Variants in CLVS1 observed in about 807,000 individuals in gnomAD.
CLVS1 encodes clavesin-1.
Under a neutral mutation model 33.1 loss-of-function variants are expected in CLVS1, and 10 were observed. The observed-to-expected ratio is 0.30, with a 90% CI of 0.19 to 0.51. CLVS1 has a LOEUF of 0.51. CLVS1 is among the 20% of genes least tolerant of loss of function. The pLI, the probability that CLVS1 is intolerant of heterozygous loss-of-function variation, is 0.97. For synonymous variants in CLVS1, 163 were observed against 166.1 expected (o/e 0.98, Z 0.14); for missense variants, 343 against 433.4 (o/e 0.79, Z 1.85).
At chr8:61,202,904 A>G (rs1432907774) in intron 2 of CLVS1, 8 of 1,068,924 alleles carry the variant, frequency 7.5e-6, no homozygotes, top group Non-Finnish European at 1.1e-5. Context: ...GAGGAAGCTG[A>G]AGAAAAAGTG....
At chr8:61,193,125 G>C (rs1484979509) in intron 2 of CLVS1, among the ~76,000 whole-genome samples, 4 of 152,148 alleles carry the variant, frequency 2.6e-5, no homozygotes, top group Admixed American at 2.6e-4. Flanking sequence ...CAACCCAAAT[G>C]TCCATCAATG....
the CLVS1 span, among the ~76,000 whole-genome samples, chr8:61,015,290 G>A: frequency 2.1e-3 from 325 of 152,322 alleles, no homozygotes; most frequent in African/African-American, 7.6e-3. Context: ...GCAATTGAGG[G>A]ACAGAGAGGC....
At chr8:60,967,596 C>T in the CLVS1 span, 1 of 455,548 alleles carries the variant, frequency 2.2e-6, no homozygotes, top group Non-Finnish European at 4.4e-6. Context: ...CAGCATTCAG[C>T]TTCTGGGAAC....
chr8:61,126,224 G>A (rs144461937), intron 1 of CLVS1, among the ~76,000 whole-genome samples: 1 of 152,042 alleles, frequency 6.6e-6, no homozygotes, highest in Non-Finnish European at 1.5e-5. Flanking sequence ...TCTCGGTCCA[G>A]CTACCTCATG....
chr8:61,411,217 G>T (rs185818804), intron 3 of CLVS1, among the ~76,000 whole-genome samples: 18 of 152,198 alleles, frequency 1.2e-4, no homozygotes, highest in Non-Finnish European at 1.0e-4. Flanking sequence ...TAAGGAAAAA[G>T]AAAAAATAAA....
chr8:60,985,171 A>G, the CLVS1 span, among the ~76,000 whole-genome samples: 4 of 152,252 alleles, frequency 2.6e-5, no homozygotes, highest in East Asian at 7.7e-4. Flanking sequence ...ATATTGGTCC[A>G]AGGATTCTGT....
intron 2 of CLVS1, among the ~76,000 whole-genome samples, chr8:61,210,353 G>A (rs1444177428): frequency 6.6e-6 from 1 of 152,200 alleles, no homozygotes; most frequent in African/African-American, 2.4e-5. Context: ...CCGATGTCTT[G>A]GTCTTGGACC....
chr8:61,479,019 T>C (rs1161089829), intron 5 of CLVS1, among the ~76,000 whole-genome samples: 3 of 152,214 alleles, frequency 2.0e-5, no homozygotes, highest in African/African-American at 7.2e-5. Flanking sequence ...TAACATTTTT[T>C]CCTTCATTTC....
At chr8:61,165,221 A>C (rs1806836024) in intron 2 of CLVS1, among the ~76,000 whole-genome samples, 1 of 152,234 alleles carries the variant, frequency 6.6e-6, no homozygotes. Flanking sequence ...GAAGAATGGA[A>C]GTCAGCGGCG....
chr8:61,327,739 G>T (rs1307490285), intron 2 of CLVS1, among the ~76,000 whole-genome samples: 1 of 152,140 alleles, frequency 6.6e-6, no homozygotes, highest in African/African-American at 2.4e-5. Context: ...TTGTACCTGT[G>T]TCAGGACTAG....
At chr8:61,316,099 G>T (rs190868947) in intron 2 of CLVS1, among the ~76,000 whole-genome samples, 251 of 152,272 alleles carry the variant, frequency 1.6e-3, no homozygotes, top group African/African-American at 5.2e-3. Flanking sequence ...TGGTGTATAT[G>T]TGTCACGTTT....
intron 5 of CLVS1, among the ~76,000 whole-genome samples, chr8:61,471,686 G>C (rs142549360): frequency 6.6e-6 from 1 of 152,160 alleles, no homozygotes; most frequent in Non-Finnish European, 1.5e-5. Context: ...CTCCTGGTCA[G>C]CCAAGAGGGC....
At chr8:60,991,240 T>C in the CLVS1 span, among the ~76,000 whole-genome samples, 1 of 152,210 alleles carries the variant, frequency 6.6e-6, no homozygotes, top group African/African-American at 2.4e-5. Flanking sequence ...ACACTGTGCA[T>C]GGTATGCTAC....
intron 1 of CLVS1, among the ~76,000 whole-genome samples, chr8:61,071,439 T>C (rs912339648): frequency 2.6e-5 from 4 of 152,210 alleles, no homozygotes; most frequent in Non-Finnish European, 1.5e-5. Context: ...GCTTCCATAA[T>C]CATGTCTCCT....
intron 3 of CLVS1, among the ~76,000 whole-genome samples, chr8:61,410,909 TG>T (rs1467877003): frequency 6.6e-6 from 1 of 152,230 alleles, no homozygotes; most frequent in Non-Finnish European, 1.5e-5. Context: ...CCCAAAGTGC[TG>T]GGATTACAGG....
chr8:61,442,847 G>T (rs1019654241), intron 3 of CLVS1, among the ~76,000 whole-genome samples: 8 of 152,032 alleles, frequency 5.3e-5, no homozygotes, highest in Non-Finnish European at 8.8e-5. Flanking sequence ...ATCCGCCCGC[G>T]TTGGCCTCCT....
At chr8:61,226,112 A>G (rs1808323379) in intron 2 of CLVS1, among the ~76,000 whole-genome samples, 1 of 152,248 alleles carries the variant, frequency 6.6e-6, no homozygotes, top group Non-Finnish European at 1.5e-5. Context: ...CATGGACGAT[A>G]CCACCTAACT....
intron 2 of CLVS1, among the ~76,000 whole-genome samples, chr8:61,266,399 G>A (rs1433278515): frequency 6.6e-6 from 1 of 151,124 alleles, no homozygotes; most frequent in Non-Finnish European, 1.5e-5. Flanking sequence ...ACCAGATTTG[G>A]TTAATATCCT....
intron 2 of CLVS1, among the ~76,000 whole-genome samples, chr8:61,282,747 TATA>T (rs1181158417): frequency 6.6e-6 from 1 of 152,238 alleles, no homozygotes; most frequent in Non-Finnish European, 1.5e-5. Context: ...TGTGTATCCT[TATA>T]ATAAGTTCCC....
Sources: gnomAD v4.1 joint callset for allele counts (sites outside exome capture counted in the v4.1 genomes callset) on GRCh38, gnomAD v4.1.1 for gene constraint, MANE v1.5 for transcripts, NCBI Gene and HGNC (gene_info 2026-07-23, HGNC 2026-07-21) for gene names.